ZNF451: variants seen among roughly 807,000 people sequenced by gnomAD.
ZNF451 encodes the protein E3 SUMO-protein ligase ZNF451.
A neutral mutation model predicts 107.1 loss-of-function variants in ZNF451; 80 were observed. That is an observed-to-expected ratio of 0.75 (90% CI 0.62 to 0.90). The LOEUF (loss-of-function observed/expected upper bound fraction) is 0.90. ZNF451 is among the 40% of genes least tolerant of loss of function. ZNF451 has a pLI of 0.00. For synonymous variants in ZNF451, 362 were observed against 406.5 expected (o/e 0.89, Z 1.32); for missense variants, 1,107 against 1,236.2 (o/e 0.90, Z 1.57).
rs572191904 is a variant in ZNF451, at chr6:57,126,663, G to T, written c.312+1804G>T. 9.2e-5 allele frequency: 14 copies of T among 152,282 alleles called. No homozygotes were observed. In the East Asian group the frequency reaches 2.1e-3, roughly 23 times the overall value. 9.4% of individuals were successfully genotyped at this position (152,282 alleles called of 1,614,324 possible). The stretch of plus-strand genomic sequence containing the variant: ...GAGCCAGACCTGGTGGCTCATGCCT[G>T]TAATCCCAGCACTTTGGGAGGACAA... On this transcript the variant is annotated intron_variant, in intron 4 of 14. Transcript: ENST00000370706.
At chr6:57,109,133 C>T in intron 3 of ZNF451, 15 of 985,444 alleles carry the variant, frequency 1.5e-5, no homozygotes, top group Non-Finnish European at 1.8e-5. Context: ...GGAACCCTAT[C>T]CTCTTAGTTC....
chr6:57,137,637 G>C (rs1346298584), intron 7 of ZNF451, among the ~76,000 whole-genome samples: 2 of 152,052 alleles, frequency 1.3e-5, no homozygotes, highest in Non-Finnish European at 2.9e-5. Flanking sequence ...TGATAGTGGT[G>C]GTCGATATAC....
chr6:57,096,842 C>T (rs1829350076), intron 2 of ZNF451, among the ~76,000 whole-genome samples: 1 of 127,722 alleles, frequency 7.8e-6, no homozygotes, highest in African/African-American at 3.0e-5. Flanking sequence ...GTGGCACCAT[C>T]TCAGCTCACT....
At chr6:57,127,597 A>T (rs943097955) in intron 4 of ZNF451, among the ~76,000 whole-genome samples, 1 of 152,174 alleles carries the variant, frequency 6.6e-6, no homozygotes, top group African/African-American at 2.4e-5. Flanking sequence ...TTTGAGAGGC[A>T]GTATGATTAT....
intron 9 of ZNF451, among the ~76,000 whole-genome samples, chr6:57,144,990 G>A (rs1193839198): frequency 1.3e-5 from 2 of 152,098 alleles, no homozygotes; most frequent in Non-Finnish European, 2.9e-5. Context: ...TTACATTTAG[G>A]TATTTAATTT....
At chr6:57,102,747 G>A (rs564854697) in intron 3 of ZNF451, 1 of 985,454 alleles carries the variant, frequency 1.0e-6, no homozygotes, top group South Asian at 4.7e-5. Flanking sequence ...GGAATGGCTA[G>A]ATGTCGCAGG....
At chr6:57,160,470 A>G (rs1264912771) in intron 13 of ZNF451, among the ~76,000 whole-genome samples, 3 of 152,032 alleles carry the variant, frequency 2.0e-5, no homozygotes, top group Non-Finnish European at 4.4e-5. Flanking sequence ...AGTAGCTGGG[A>G]CTATAGGTGC....
intron 3 of ZNF451, chr6:57,101,016 G>C: frequency 6.4e-7 from 1 of 1,550,656 alleles, no homozygotes; most frequent in South Asian, 1.2e-5. Context: ...GTGATCTGCA[G>C]TCCAGGAGCT....
intron 3 of ZNF451, among the ~76,000 whole-genome samples, chr6:57,111,731 G>T (rs755602630): frequency 1.4e-4 from 21 of 152,176 alleles, no homozygotes; most frequent in Non-Finnish European, 2.8e-4. Context: ...TTTTGGTCCT[G>T]TACTGAAGGA....
chr6:57,115,574 A>G (rs972045816), intron 3 of ZNF451: 1 of 152,208 alleles, frequency 6.6e-6, no homozygotes, highest in Non-Finnish European at 1.5e-5. Context: ...CTAAAATTTT[A>G]GATAAAAATG....
chr6:57,124,489 C>A (rs1453428166), intron 3 of ZNF451: 1 of 716,554 alleles, frequency 1.4e-6, no homozygotes, highest in East Asian at 2.7e-5. Flanking sequence ...GTTTACTCTT[C>A]AGCTTTTAAG....
chr6:57,106,212 T>C, intron 3 of ZNF451: 1 of 985,442 alleles, frequency 1.0e-6, no homozygotes, highest in Non-Finnish European at 1.2e-6. Context: ...TTCATTATTC[T>C]TGAAGATATA....
chr6:57,140,548 A>T (rs540722780), intron 7 of ZNF451, among the ~76,000 whole-genome samples: 4 of 152,296 alleles, frequency 2.6e-5, no homozygotes. Context: ...TCAAATATAT[A>T]TACCCATTAG....
In ZNF451 at chr6:57,133,166, G is replaced by T. The variant is rs1163060397; in HGVS notation, c.549G>T (p.Gly183=). 1.2e-6 allele frequency: 2 copies of T among 1,613,776 alleles called. No individual in the cohort carries two copies. The highest frequency in any genetic ancestry group is 1.7e-6 in the Non-Finnish European group (2 of 1,179,894). The change falls in exon 6 of 15, where the codon GGG becomes GGT. Residue 183 remains glycine, a synonymous_variant. Coordinates refer to ENST00000370706, the MANE Select transcript of ZNF451 (RefSeq NM_001031623.3). ...ACTGTAACAAGGAGTTTGACAATGG[G>T]CACCTTCTCTTAGGACATTTGAAAA... ...IMHCNKEFDN[G]HLLLGHLKRF...
chr6:57,156,681 G>A (rs1034525177), intron 13 of ZNF451, among the ~76,000 whole-genome samples: 1 of 152,116 alleles, frequency 6.6e-6, no homozygotes, highest in Non-Finnish European at 1.5e-5. Context: ...TGGTCTCAAC[G>A]CTTCTAGATG....
chr6:57,147,529 A>C lies in ZNF451; in HGVS notation c.1444A>C (p.Ser482Arg), dbSNP rs747412258. Residue 482 changes from serine (S) to arginine (R), a missense_variant, in exon 10 of 15, where the codon AGT becomes CGT. Coordinates refer to ENST00000370706, the MANE Select transcript of ZNF451 (RefSeq NM_001031623.3). ...CTGTGAATGCAATCAGCGATTCCCAAGTGAAGATGCAGTAGAAAAGCATGT... is the reference window on the plus strand; with the variant it reads ...CTGTGAATGCAATCAGCGATTCCCACGTGAAGATGCAGTAGAAAAGCATGT... ...WFCECNQRFP[S>R]EDAVEKHVFS... 6.2e-7 allele frequency: 1 copy of C among 1,614,194 alleles called. No homozygotes were observed. Among genetic ancestry groups the C allele is most frequent in the South Asian group, 1.1e-5 (1 of 91,086 alleles).
At position 57,111,538 on chromosome 6, in the gene ZNF451, G is replaced by C. The variant is rs1830116242; in HGVS notation, c.186+12397G>C. On this transcript the variant is annotated intron_variant, in intron 3 of 14. Transcript: ENST00000370706. ...TGGAATCGCAGGCACCTGCCACCAT[G>C]CTCAACTAATTTTTGTATTTTTAGT... Among the ~76,000 whole-genome samples the C allele has an allele frequency of 2.0e-5, 3 of 151,924 alleles. No individual in the cohort carries two copies. In the South Asian group the frequency reaches 6.2e-4, roughly 32 times the overall value.
intron 3 of ZNF451, chr6:57,114,890 A>G (rs1830291680): frequency 6.6e-6 from 1 of 152,318 alleles, no homozygotes; most frequent in South Asian, 2.1e-4. Context: ...AGAAATAACC[A>G]CTATTTAACA....
At chr6:57,127,336 T>C (rs1830977128) in intron 4 of ZNF451, among the ~76,000 whole-genome samples, 1 of 152,186 alleles carries the variant, frequency 6.6e-6, no homozygotes, top group African/African-American at 2.4e-5. Context: ...CTTAATTTGA[T>C]TACAGAGAAT....
Sources: allele counts gnomAD v4.1 joint callset (sites outside exome capture counted in the v4.1 genomes callset), GRCh38; gene constraint gnomAD v4.1.1; transcripts MANE v1.5; gene names NCBI Gene and HGNC (gene_info 2026-07-23, HGNC 2026-07-21).